The following HPCAL1 variants were observed in gnomAD, a reference collection of about 807,000 sequenced individuals.
HPCAL1 encodes hippocalcin-like protein 1.
HPCAL1 carries 8 observed loss-of-function variants against 17.1 expected under a neutral mutation model. The observed-to-expected ratio is 0.47, with a 90% confidence interval of 0.27 to 0.84. HPCAL1 has a LOEUF of 0.84. Among genes scored for constraint, HPCAL1 ranks in the 40% least tolerant of loss-of-function variants. The probability of loss-of-function intolerance (pLI) is 0.13; values close to 1 mark genes in which losing one functional copy is unlikely to be tolerated. For missense variants in HPCAL1, 165 were observed against 271.1 expected (o/e 0.61, Z 2.75); for synonymous variants, 112 against 111.4 (o/e 1.01, Z -0.03).
intron 1 of HPCAL1, among the ~76,000 whole-genome samples, chr2:10,385,425 C>A (rs1310325402): frequency 6.6e-6 from 1 of 152,142 alleles, no homozygotes; most frequent in Non-Finnish European, 1.5e-5. Flanking sequence ...TAGCAAGCAC[C>A]TGCTCCAGGC....
At chr2:10,405,487 G>A (rs1008619772) in intron 2 of HPCAL1, among the ~76,000 whole-genome samples, 14 of 152,254 alleles carry the variant, frequency 9.2e-5, no homozygotes, top group African/African-American at 3.4e-4. Flanking sequence ...TGGCCCCGTA[G>A]TCTCAGTTTT....
intron 2 of HPCAL1, among the ~76,000 whole-genome samples, chr2:10,409,104 G>T (rs1478988637): frequency 3.9e-5 from 6 of 152,112 alleles, no homozygotes; most frequent in Admixed American, 1.3e-4. Context: ...ATATGAAGTC[G>T]TCAAAATCCG....
At chr2:10,360,947 T>A (rs1012587815) in intron 1 of HPCAL1, among the ~76,000 whole-genome samples, 2 of 151,350 alleles carry the variant, frequency 1.3e-5, no homozygotes, top group African/African-American at 4.9e-5. Flanking sequence ...TGTTTGCCTG[T>A]CCAGCAGTAT....
In HPCAL1 at chr2:10,344,789, T is replaced by C. The variant is rs1342925626; in HGVS notation, c.-111+41612T>C. On this transcript the variant is annotated intron_variant, in intron 1 of 4. Coordinates refer to ENST00000307845, the MANE Select transcript of HPCAL1 (RefSeq NM_002149.4). The surrounding 1 kb of genome is among the most constrained non-coding windows in gnomAD (Gnocchi z 4.9). ...TGTGTGTCTCTCTCTGTGCCTGACT[T>C]TCTGTCTCTTTCTGCTTCTCTCTCT... Among the ~76,000 whole-genome samples, 1 of 151,162 alleles carries C rather than the reference T, an allele frequency of 6.6e-6. No homozygotes were observed. The highest frequency in any genetic ancestry group is 6.6e-5 in the Admixed American group (1 of 15,208).
At position 10,373,365 on chromosome 2, in the gene HPCAL1, A is replaced by G. The variant is rs946489087; in HGVS notation, c.-110-23470A>G. On this transcript the variant is annotated intron_variant, in intron 1 of 4. Coordinates refer to ENST00000307845, the MANE Select transcript of HPCAL1 (RefSeq NM_002149.4). ...CCAGCAGGTCCCAGTTCATGATGGC[A>G]TGCTGCTTCTGCATGAGTGAGACAT... Among the ~76,000 whole-genome samples the G allele has an allele frequency of 4.6e-5, 7 of 152,322 alleles. 1 individual carries two copies. The highest frequency in any genetic ancestry group is 2.1e-4 in the South Asian group (1 of 4,830).
intron 1 of HPCAL1, among the ~76,000 whole-genome samples, chr2:10,382,590 A>G (rs1255117900): frequency 9.2e-6 from 1 of 108,294 alleles, no homozygotes; most frequent in African/African-American, 4.2e-5. Flanking sequence ...AAAGTTCATT[A>G]ATTAAAAAAA....
At chr2:10,356,405 G>A (rs1666157945) in intron 1 of HPCAL1, among the ~76,000 whole-genome samples, 2 of 152,106 alleles carry the variant, frequency 1.3e-5, no homozygotes, top group Admixed American at 6.5e-5. Context: ...GGACAGACTG[G>A]GGTAAAAGCA....
rs1031090872 is a variant in HPCAL1, at chr2:10,388,778, C to T, written c.-110-8057C>T. ...TCACCAGCAGCAGCTGTGAGTGCCT[C>T]GTCAGTGTTTAAGAGTCCAGGTCGC... is the stretch of plus-strand genomic sequence containing the variant. On this transcript the variant is annotated intron_variant, in intron 1 of 4. Transcript: ENST00000307845. Among the ~76,000 whole-genome samples, 19 of 152,326 alleles carry T rather than the reference C, an allele frequency of 1.2e-4. 1 individual carries two copies. Among genetic ancestry groups the T allele is most frequent in the South Asian group, 4.1e-4 (2 of 4,830 alleles).
chr2:10,337,477 G>A (rs1441087406), intron 1 of HPCAL1, among the ~76,000 whole-genome samples: 2 of 152,006 alleles, frequency 1.3e-5, no homozygotes, highest in African/African-American at 2.4e-5. Context: ...CTGGCTCCCC[G>A]GTTGCCCACC....
At chr2:10,309,684 G>A (rs748447370) in intron 1 of HPCAL1, among the ~76,000 whole-genome samples, 3 of 152,314 alleles carry the variant, frequency 2.0e-5, no homozygotes, top group Non-Finnish European at 4.4e-5. Context: ...GTAAATAGAA[G>A]GGGCTGGGGG....
chr2:10,372,344 A>T (rs1558494994), intron 1 of HPCAL1, among the ~76,000 whole-genome samples: 1 of 152,200 alleles, frequency 6.6e-6, no homozygotes, highest in Non-Finnish European at 1.5e-5. Flanking sequence ...CACCCACTCC[A>T]TGCCTTCTGT....
Position 10,332,619 on chromosome 2 carries a change from C to T in HPCAL1, c.-111+29442C>T, listed in dbSNP as rs536966351. ...TTAAAACAGTGAGGACAGCTTTATT[C>T]GAGGAAAATGCAGTCGGGGTTGACC... is the stretch of plus-strand genomic sequence containing the variant. On this transcript the variant is annotated intron_variant, in intron 1 of 4. Transcript: ENST00000307845. Among the ~76,000 whole-genome samples, 19 of 152,228 alleles carry T rather than the reference C, an allele frequency of 1.2e-4. No homozygotes were observed. In the South Asian group the frequency reaches 3.7e-3, roughly 30 times the overall value.
chr2:10,339,427 C>T (rs750793980), intron 1 of HPCAL1, among the ~76,000 whole-genome samples: 2 of 152,208 alleles, frequency 1.3e-5, no homozygotes, highest in Non-Finnish European at 2.9e-5. Flanking sequence ...GCCTCAGCCT[C>T]CCCAGTAGCT....
chr2:10,391,540 A>G (rs1265929692), intron 1 of HPCAL1, among the ~76,000 whole-genome samples: 1 of 152,200 alleles, frequency 6.6e-6, no homozygotes, highest in Non-Finnish European at 1.5e-5. Context: ...TGTATGTGCA[A>G]TTATCACCAT....
intron 2 of HPCAL1, among the ~76,000 whole-genome samples, chr2:10,411,193 G>C (rs1670330818): frequency 6.6e-6 from 1 of 152,198 alleles, no homozygotes; most frequent in African/African-American, 2.4e-5. Flanking sequence ...CAGAGTGCTG[G>C]ACACCAGCCA....
chr2:10,409,658 C>A (rs1046624058), intron 2 of HPCAL1, among the ~76,000 whole-genome samples: 2 of 152,180 alleles, frequency 1.3e-5, no homozygotes, highest in African/African-American at 4.8e-5. Context: ...CTTCTGCCTT[C>A]CACCTTCCTG....
intron 1 of HPCAL1, among the ~76,000 whole-genome samples, chr2:10,380,278 T>C (rs1365042480): frequency 6.6e-6 from 1 of 152,250 alleles, no homozygotes; most frequent in African/African-American, 2.4e-5. Flanking sequence ...GGTTGGCAAA[T>C]AAGCCACATG....
intron 2 of HPCAL1, among the ~76,000 whole-genome samples, chr2:10,400,484 T>C (rs866322897): frequency 1.3e-5 from 2 of 152,198 alleles, no homozygotes; most frequent in Admixed American, 6.5e-5. Flanking sequence ...TCCCCTCTAG[T>C]GCTGGCCAGG....
intron 1 of HPCAL1, among the ~76,000 whole-genome samples, chr2:10,326,932 C>T (rs981416572): frequency 2.0e-5 from 3 of 152,178 alleles, no homozygotes; most frequent in African/African-American, 4.8e-5. Flanking sequence ...CCACATGCCC[C>T]GGCTCTTTGT....
Sources: allele counts gnomAD v4.1 joint callset (sites outside exome capture counted in the v4.1 genomes callset), GRCh38; gene constraint gnomAD v4.1.1; non-coding constraint Gnocchi (gnomAD v3.1); transcripts MANE v1.5; gene names NCBI Gene and HGNC (gene_info 2026-07-23, HGNC 2026-07-21).